TBX21: variants seen among roughly 807,000 people sequenced by gnomAD.
TBX21 encodes the protein T-box transcription factor TBX21.
TBX21 carries 11 observed loss-of-function variants against 52.2 expected under a neutral mutation model. The ratio of observed to expected loss-of-function variants is 0.21; its 90% confidence interval spans 0.13 to 0.35. The LOEUF (loss-of-function observed/expected upper bound fraction) is 0.35. TBX21 is among the 10% of genes least tolerant of loss of function. The pLI is 1.00. For missense variants in TBX21, 625 were observed against 755.1 expected (o/e 0.83, Z 2.02); for synonymous variants, 300 against 316.1 (o/e 0.95, Z 0.54).
At chr17:47,739,602 T>C (rs1182268355) in intron 1 of TBX21, among the ~76,000 whole-genome samples, 3 of 151,698 alleles carry the variant, frequency 2.0e-5, no homozygotes, top group Non-Finnish European at 4.4e-5. Flanking sequence ...CTACTAAAAG[T>C]ACAAAAATTA....
In TBX21 at chr17:47,733,778, C is replaced by T; in HGVS notation, c.324C>T (p.Tyr108=). 6.5e-7 allele frequency: 1 copy of T among 1,541,314 alleles called. No individual in the cohort carries two copies. Among genetic ancestry groups the T allele is most frequent in the Non-Finnish European group, 8.7e-7 (1 of 1,144,550 alleles). The change falls in exon 1 of 6, where the codon TAC becomes TAT. Residue 108 remains tyrosine (Y), a synonymous_variant. Coordinates refer to ENST00000177694, the MANE Select transcript of TBX21 (RefSeq NM_013351.2). This position sits in a 1 kb window ranked among gnomAD's most constrained non-coding sequence, Gnocchi z 6.6. ...DAEGYQPGEG[Y]AAPDPRAGLY... is the part of the protein sequence containing the mutation. ...AGGGCTACCAGCCGGGCGAGGGCTA[C>T]GCCGCCCCGGACCCGCGCGCCGGGC... is the stretch of plus-strand genomic sequence containing the variant.
At chr17:47,734,517 A>C (rs1567918822) in intron 1 of TBX21, among the ~76,000 whole-genome samples, 2 of 144,012 alleles carry the variant, frequency 1.4e-5, no homozygotes, top group African/African-American at 5.3e-5. Flanking sequence ...GCAGTCGCCA[A>C]GTTTCCTTTC....
chr17:47,733,657 C>A lies in TBX21; in HGVS notation c.203C>A (p.Pro68Gln). ...GGGGGCGCCTTGGTGCCCGCCCCGC[C>A]GAGCCGCTTCCTTGGAGCCTACGCC... ...YPGGALVPAP[P>Q]SRFLGAYAYP... Residue 68 changes from proline (P) to glutamine (Q), a missense_variant, in exon 1 of 6, where the codon CCG becomes CAG. Pro to Gln is a moderately conservative substitution (Grantham distance 76, BLOSUM62 -1). Coordinates refer to ENST00000177694, the MANE Select transcript of TBX21 (RefSeq NM_013351.2). The surrounding 1 kb of genome is among the most constrained non-coding windows in gnomAD (Gnocchi z 6.6). The A allele has an allele frequency of 6.9e-7, 1 of 1,449,954 alleles. No homozygotes were observed. Among genetic ancestry groups the A allele is most frequent in the South Asian group, 1.4e-5 (1 of 73,428 alleles). 89.8% of individuals were successfully genotyped at this position (1,449,954 alleles called of 1,614,324 possible).
At chr17:47,736,835 C>T (rs2032211941) in intron 1 of TBX21, among the ~76,000 whole-genome samples, 1 of 152,194 alleles carries the variant, frequency 6.6e-6, no homozygotes, top group Admixed American at 6.5e-5. Flanking sequence ...AGTCACACCA[C>T]ATCACCCATG....
intron 1 of TBX21, among the ~76,000 whole-genome samples, chr17:47,735,204 G>T (rs2032195345): frequency 6.6e-6 from 1 of 152,092 alleles, no homozygotes; most frequent in Non-Finnish European, 1.5e-5. Flanking sequence ...GTTGGTATTC[G>T]ATCTGGGCAT....
At chr17:47,736,530 C>T (rs72648868) in intron 1 of TBX21, among the ~76,000 whole-genome samples, 7,058 of 152,158 alleles carry the variant, frequency 0.046, 188 homozygotes, top group Middle Eastern at 0.12. Flanking sequence ...GGGCTCCATA[C>T]GCGGGGTCCC....
In TBX21 at chr17:47,744,179, C is replaced by G. The variant is rs1228719890; in HGVS notation, c.769-16C>G. 6.2e-7 allele frequency: 1 copy of G among 1,613,244 alleles called. No homozygotes were observed. The highest frequency in any genetic ancestry group is 2.2e-5 in the East Asian group (1 of 44,856). On this transcript the variant is annotated splice_polypyrimidine_tract_variant and intron_variant, in intron 3 of 5. Coordinates refer to ENST00000177694, the MANE Select transcript of TBX21 (RefSeq NM_013351.2). ...CCTTCCTCCCCACCCCTACAACCGT[C>G]TTGCTCTGTCTACAGATGATTGTGC...
chr17:47,741,333 T>C (rs2032264936), intron 1 of TBX21, among the ~76,000 whole-genome samples: 1 of 151,900 alleles, frequency 6.6e-6, no homozygotes, highest in Admixed American at 6.6e-5. Flanking sequence ...ATGGTGCTGG[T>C]TGTAGTGGTG....
chr17:47,744,176 C>T lies in TBX21; in HGVS notation c.769-19C>T, dbSNP rs147318472. 1.9e-4 allele frequency: 301 copies of T among 1,610,100 alleles called. No individual in the cohort carries two copies. The African/African-American group carries it at 3.6e-3, about 19-fold the overall frequency. On this transcript the variant is annotated intron_variant, in intron 3 of 5. Transcript: ENST00000177694. ...AATCCTTCCTCCCCACCCCTACAAC[C>T]GTCTTGCTCTGTCTACAGATGATTG...
intron 1 of TBX21, among the ~76,000 whole-genome samples, chr17:47,739,239 T>C (rs1006098480): frequency 1.3e-5 from 2 of 152,198 alleles, no homozygotes; most frequent in Admixed American, 1.3e-4. Context: ...GTGGTGATTC[T>C]AGACTTTTAG....
At position 47,742,825 on chromosome 17, in the gene TBX21, G is replaced by A; in HGVS notation, c.646+61G>A. On this transcript the variant is annotated intron_variant, in intron 2 of 5. Transcript: ENST00000177694. The surrounding 1 kb of genome is among the most constrained non-coding windows in gnomAD (Gnocchi z 4.4). ...GCTGGGACTGGGCGCCCCCTGGTGG[G>A]CCCACCAAGCCCCTACCCCTAATTC... 1 of 1,504,860 alleles carries A rather than the reference G, an allele frequency of 6.6e-7. No homozygotes were observed. The highest frequency in any genetic ancestry group is 8.9e-7 in the Non-Finnish European group (1 of 1,125,332). The allele number at this position is 1,504,860 out of a possible 1,614,324, so 93.2% of individuals were successfully genotyped here.
At chr17:47,741,688 G>A (rs975309951) in intron 1 of TBX21, among the ~76,000 whole-genome samples, 3 of 152,120 alleles carry the variant, frequency 2.0e-5, no homozygotes, top group East Asian at 1.9e-4. Context: ...TGAGAGCCAC[G>A]GCAGAGAGGG....
At position 47,745,204 on chromosome 17, in the gene TBX21, C is replaced by T; in HGVS notation, c.1446C>T (p.Pro482=). The part of the protein sequence containing the change: ...GPPLVWTEIA[P]IRPESSDSGL... ...CCTTGGTGTGGACTGAGATTGCCCCCATCCGGCCGGAATCCAGTGATTCAG... is the reference window on the plus strand; with the variant it reads ...CCTTGGTGTGGACTGAGATTGCCCCTATCCGGCCGGAATCCAGTGATTCAG... Residue 482 remains proline (P), a synonymous_variant, in exon 6 of 6, where the codon CCC becomes CCT. Coordinates refer to ENST00000177694, the MANE Select transcript of TBX21 (RefSeq NM_013351.2). The T allele has an allele frequency of 6.2e-7, 1 of 1,614,256 alleles. No individual in the cohort carries two copies. The highest frequency in any genetic ancestry group is 8.5e-7 in the Non-Finnish European group (1 of 1,180,038).
intron 1 of TBX21, among the ~76,000 whole-genome samples, chr17:47,737,221 G>A (rs1045993301): frequency 9.2e-5 from 14 of 152,322 alleles, no homozygotes; most frequent in African/African-American, 3.1e-4. Context: ...GTGGCAGTGT[G>A]TGTGTGTTGC....
chr17:47,741,543 C>T (rs2032266850), intron 1 of TBX21, among the ~76,000 whole-genome samples: 1 of 152,174 alleles, frequency 6.6e-6, no homozygotes, highest in African/African-American at 2.4e-5. Flanking sequence ...GGATGGGAAG[C>T]TCCCTGTTCA....
At chr17:47,738,323 A>G (rs2032230684) in intron 1 of TBX21, among the ~76,000 whole-genome samples, 2 of 151,520 alleles carry the variant, frequency 1.3e-5, no homozygotes, top group Non-Finnish European at 1.5e-5. Flanking sequence ...ATGTCCGGCT[A>G]ATTGTTTCTA....
intron 1 of TBX21, among the ~76,000 whole-genome samples, chr17:47,734,554 G>GGTGTGTGTGTGTGT (rs55690005): frequency 5.7e-4 from 59 of 102,988 alleles, no homozygotes; most frequent in African/African-American, 1.4e-3. Context: ...TCATATGTCT[G>GGTGTGTGTGTGTGT]GTGTGTGTGT....
At chr17:47,739,357 G>A (rs956598849) in intron 1 of TBX21, among the ~76,000 whole-genome samples, 1 of 151,936 alleles carries the variant, frequency 6.6e-6, no homozygotes, top group Non-Finnish European at 1.5e-5. Context: ...ATGGTGGTGA[G>A]CACCTATAAC....
rs1315836956 is a variant in TBX21, at chr17:47,733,705, C to T, written c.251C>T (p.Ala84Val). 5.6e-6 allele frequency: 8 copies of T among 1,416,838 alleles called. No individual in the cohort carries two copies. Among genetic ancestry groups the T allele is most frequent in the Non-Finnish European group, 7.4e-6 (8 of 1,086,136 alleles). 87.8% of individuals were successfully genotyped at this position (1,416,838 alleles called of 1,614,324 possible). ...GCCTACCCGCCGCGACCCCAGGCGG[C>T]CGGCTTCCCCGGCGCGGGCGAGTCC... Reference protein sequence around the residue: ...AYAYPPRPQAAGFPGAGESFP... With the variant: ...AYAYPPRPQAVGFPGAGESFP... Residue 84 changes from alanine (A) to valine (V), a missense_variant, in exon 1 of 6, where the codon GCC (alanine) becomes GTC (valine). This residue lies in a region of TBX21 where 221 missense variants were observed against 204.9 expected (regional missense o/e 1.08). Transcript: ENST00000177694. The surrounding 1 kb of genome is among the most constrained non-coding windows in gnomAD (Gnocchi z 6.6).
Sources: allele counts gnomAD v4.1 joint callset (sites outside exome capture counted in the v4.1 genomes callset), GRCh38; gene constraint gnomAD v4.1.1; regional missense constraint gnomAD v4.1.1; non-coding constraint Gnocchi (gnomAD v3.1); transcripts MANE v1.5; gene names NCBI Gene and HGNC (gene_info 2026-07-23, HGNC 2026-07-21).